The following COG7 variants were observed in gnomAD, a reference collection of about 807,000 sequenced individuals.
The protein encoded by COG7 is component of oligomeric golgi complex 7.
A neutral mutation model predicts 91.5 loss-of-function variants in COG7; 49 were observed. That is an observed-to-expected ratio of 0.54 (90% CI 0.43 to 0.68). The LOEUF is 0.68. Ranked by LOEUF, COG7 falls within the 30% of genes least tolerant of loss-of-function variation. The pLI is 0.00. For synonymous variants in COG7, 365 were observed against 388.7 expected (o/e 0.94, Z 0.72); for missense variants, 895 against 961.3 (o/e 0.93, Z 0.91).
Position 23,392,513 on chromosome 16 carries a change from C to T in COG7, c.2013G>A (p.Leu671=), listed in dbSNP as rs370447404. 1.7e-4 allele frequency: 280 copies of T among 1,614,176 alleles called. 1 individual carries two copies. The Middle Eastern group carries it at 4.1e-3, about 24-fold the overall frequency. ...LPFPPEQGDE[L]PELDNMADNW... ...TGTCAGCCATGTTGTCCAGCTCGGG[C>T]AATTCATCCCCTGAAAAGAAAAGGA... The change falls in exon 16 of 17, where the codon TTG becomes TTA. Residue 671 remains leucine (L), a synonymous_variant. Transcript: ENST00000307149.
Position 23,417,071 on chromosome 16 carries a change from G to T in COG7, c.1188C>A (p.Asn396Lys), listed in dbSNP as rs1462163133. Residue 396 changes from asparagine (N) to lysine (K), a missense_variant, in exon 9 of 17, where the codon AAC (asparagine) becomes AAA (lysine). Asn to Lys is a moderately conservative substitution (Grantham distance 94, BLOSUM62 0). Coordinates refer to ENST00000307149, the MANE Select transcript of COG7 (RefSeq NM_153603.4). The part of the protein sequence containing the change: ...DCVQELSHSV[N>K]KLFGLASAAV... Reference sequence around the variant, plus strand: ...CTGCAGACGCCAGACCAAACAGCTTGTTCACGGAGTGGCTCAGCTCCTGCA... The same window carrying T: ...CTGCAGACGCCAGACCAAACAGCTTTTTCACGGAGTGGCTCAGCTCCTGCA... The T allele has an allele frequency of 6.2e-7, 1 of 1,614,216 alleles. No homozygotes were observed. The highest frequency in any genetic ancestry group is 1.3e-5 in the African/African-American group (1 of 75,058).
rs758862580 is a variant in COG7, at chr16:23,433,634, G to T, written c.721C>A (p.Gln241Lys). The change falls in exon 6 of 17, where the codon CAA becomes AAA. Residue 241 changes from glutamine to lysine, a missense_variant. Physicochemically the swap from Gln to Lys is moderately conservative, Grantham distance 53. Coordinates refer to ENST00000307149, the MANE Select transcript of COG7 (RefSeq NM_153603.4). ...TGCCGGTCCAGGGATAGGTCACTTT[G>T]ACACAGCTCTTGCCAGGCTGCTAAA... ...QLLAAWQELC[Q>K]SDLSLDRQLT... 9 of 1,613,932 alleles carry T rather than the reference G, an allele frequency of 5.6e-6. No homozygotes were observed. Among genetic ancestry groups the T allele is most frequent in the Non-Finnish European group, 7.6e-6 (9 of 1,179,992 alleles).
At chr16:23,426,815 G>A (rs2142082728) in intron 6 of COG7, among the ~76,000 whole-genome samples, 1 of 89,434 alleles carries the variant, frequency 1.1e-5, no homozygotes, top group Non-Finnish European at 2.1e-5. Context: ...CAGAGCAATT[G>A]GACAAAAAAA....
chr16:23,409,088 T>TGTGTGTGTGTGTGTGTGTGTGCGCGC (rs567307217), intron 11 of COG7, among the ~76,000 whole-genome samples: 44 of 147,910 alleles, frequency 3.0e-4, no homozygotes, highest in Middle Eastern at 3.5e-3. Flanking sequence ...TGTGTGTGTG[T>TGTGTGTGTGTGTGTGTGTGTGCGCGC]GCGTGCATGT....
chr16:23,388,969 G>A lies in COG7; in HGVS notation c.2264C>T (p.Pro755Leu). Residue 755 changes from proline to leucine, a missense_variant, in exon 17 of 17, where the codon CCC becomes CTC. Coordinates refer to ENST00000307149, the MANE Select transcript of COG7 (RefSeq NM_153603.4). ...EDYRQVSKGLPRRLATTVATM... is the reference protein window; with the variant it reads ...EDYRQVSKGLLRRLATTVATM... The stretch of plus-strand genomic sequence containing the variant: ...GGCCACGGTGGTGGCCAGGCGACGG[G>A]GCAGGCCTTTGCTGACCTGTCTATA... The A allele has an allele frequency of 1.2e-6, 2 of 1,614,040 alleles. No homozygotes were observed. Among genetic ancestry groups the A allele is most frequent in the Non-Finnish European group, 1.7e-6 (2 of 1,180,004 alleles).
At chr16:23,415,103 CAA>C (rs1420225450) in intron 9 of COG7, 1 of 152,226 alleles carries the variant, frequency 6.6e-6, no homozygotes, top group Non-Finnish European at 1.5e-5. Context: ...TGGAAAGCTG[CAA>C]AACCCAGAGT....
At chr16:23,403,870 C>T in intron 12 of COG7, 36 bp from the exon 13 acceptor site, 3 of 1,613,810 alleles carry the variant, frequency 1.9e-6, no homozygotes, top group Non-Finnish European at 2.5e-6. Flanking sequence ...GTTGTTAGGC[C>T]TGAAACCCAA....
At chr16:23,418,902 A>G (rs762609553) in intron 7 of COG7, 75 bp from the exon 8 acceptor site, 96 of 1,385,546 alleles carry the variant, frequency 6.9e-5, no homozygotes, top group Non-Finnish European at 9.4e-5. Context: ...AACAATCAAG[A>G]GGCGCTCTAC....
chr16:23,397,909 C>T, intron 14 of COG7, 137 bp downstream of exon 14: 1 of 730,886 alleles, frequency 1.4e-6, no homozygotes, highest in Non-Finnish European at 2.5e-6. Flanking sequence ...GATCTGGGTG[C>T]AGACTACCCC....
chr16:23,422,323 A>C (rs553086840), intron 7 of COG7, among the ~76,000 whole-genome samples: 3 of 152,040 alleles, frequency 2.0e-5, no homozygotes, highest in African/African-American at 4.8e-5. Flanking sequence ...AAAAAAACAA[A>C]AAAAAAATAA....
intron 6 of COG7, among the ~76,000 whole-genome samples, chr16:23,428,580 A>C (rs1963885214): frequency 6.6e-6 from 1 of 152,166 alleles, no homozygotes; most frequent in Admixed American, 6.5e-5. Context: ...GCTGAAATTA[A>C]AGAGAATGTC....
chr16:23,400,590 G>GAGGAGAGAGGGAA (rs1963358674), intron 13 of COG7, among the ~76,000 whole-genome samples: 1 of 152,238 alleles, frequency 6.6e-6, no homozygotes, highest in Non-Finnish European at 1.5e-5. Context: ...TGAACAGGCA[G>GAGGAGAGAGGGAA]AGGAGAGAGG....
chr16:23,449,129 C>G (rs1027825188), intron 1 of COG7, among the ~76,000 whole-genome samples: 1 of 151,950 alleles, frequency 6.6e-6, no homozygotes, highest in South Asian at 2.1e-4. Context: ...TTTGGGAGGC[C>G]GAGGCGAGTG....
At chr16:23,403,920 G>T in intron 12 of COG7, 86 bp from the exon 13 acceptor site, 3 of 1,519,342 alleles carry the variant, frequency 2.0e-6, no homozygotes, top group Non-Finnish European at 2.7e-6. Flanking sequence ...AAACTCACAG[G>T]AGAACTGGGG....
intron 1 of COG7, among the ~76,000 whole-genome samples, chr16:23,452,462 A>C (rs1422676559): frequency 6.6e-6 from 1 of 151,442 alleles, no homozygotes; most frequent in African/African-American, 2.4e-5. Context: ...AGTCCTAGCG[A>C]CTCGAGAGGC....
At chr16:23,448,099 G>C (rs556545968) in intron 1 of COG7, among the ~76,000 whole-genome samples, 1 of 151,980 alleles carries the variant, frequency 6.6e-6, no homozygotes, top group South Asian at 2.1e-4. Context: ...ACATGTGCTT[G>C]AACGGCTACA....
chr16:23,396,913 T>G (rs1403458731), intron 14 of COG7, among the ~76,000 whole-genome samples: 2 of 121,468 alleles, frequency 1.6e-5, no homozygotes. Flanking sequence ...ATGTACTTTT[T>G]TCTTTTTTTT....
chr16:23,388,931 C>T lies in COG7; in HGVS notation c.2302G>A (p.Val768Met), dbSNP rs754629845. 27 of 1,613,978 alleles carry T rather than the reference C, an allele frequency of 1.7e-5. No individual in the cohort carries two copies. Among genetic ancestry groups the T allele is most frequent in the Admixed American group, 1.0e-4 (6 of 60,006 alleles). The change falls in exon 17 of 17, where the codon GTG becomes ATG. Residue 768 changes from valine (V) to methionine (M), a missense_variant. Physicochemically the swap from Val to Met is conservative, Grantham distance 21. Transcript: ENST00000307149. ...LATTVATMRSVNY is the reference protein window; with the variant it reads ...LATTVATMRSMNY ...GGTGTGTGGTGGGGTCAGTAATTCA[C>T]ACTCCGCATGGTGGCCACGGTGGTG...
At position 23,416,880 on chromosome 16, in the gene COG7, G is replaced by C. The variant is rs925234099; in HGVS notation, c.1292+87C>G. 23 of 1,504,840 alleles carry C rather than the reference G, an allele frequency of 1.5e-5. No individual in the cohort carries two copies. The African/African-American group carries it at 2.6e-4, about 17-fold the overall frequency. 93.2% of individuals were successfully genotyped at this position (1,504,840 alleles called of 1,614,324 possible). ...AGGTGCAAGTGTTTCCCAGGGTTCA[G>C]AGAACAAATACAGAACACGTGCATT... On this transcript the variant is annotated intron_variant, in intron 9 of 16. Coordinates refer to ENST00000307149, the MANE Select transcript of COG7 (RefSeq NM_153603.4).
Sources: allele counts gnomAD v4.1 joint callset (sites outside exome capture counted in the v4.1 genomes callset), GRCh38; gene constraint gnomAD v4.1.1; transcripts MANE v1.5; gene names NCBI Gene and HGNC (gene_info 2026-07-23, HGNC 2026-07-21).